Variants in SIPA1L1 observed in about 807,000 individuals in gnomAD.
SIPA1L1 encodes signal-induced proliferation-associated 1-like protein 1.
SIPA1L1 carries 26 observed loss-of-function variants against 162.7 expected under a neutral mutation model. The ratio of observed to expected loss-of-function variants is 0.16; its 90% CI spans 0.12 to 0.22. The LOEUF (loss-of-function observed/expected upper bound fraction) is 0.22, where lower values mean the gene tolerates loss of function less well. SIPA1L1 is among the 10% of genes least tolerant of loss of function. The pLI is 1.00. For synonymous variants in SIPA1L1, 829 were observed against 837.4 expected (o/e 0.99, Z 0.17); for missense variants, 1,874 against 2,241.0 (o/e 0.84, Z 3.31).
At chr14:71,432,422 G>A (rs893316095) in intron 2 of SIPA1L1, among the ~76,000 whole-genome samples, 10 of 152,052 alleles carry the variant, frequency 6.6e-5, no homozygotes, top group Non-Finnish European at 1.3e-4. Flanking sequence ...TCCTTCCCTC[G>A]GGGTCTGAGG....
chr14:71,626,562 AT>A (rs1167819721), intron 7 of SIPA1L1, among the ~76,000 whole-genome samples: 1 of 152,212 alleles, frequency 6.6e-6, no homozygotes, highest in Non-Finnish European at 1.5e-5. Flanking sequence ...ACAAATACAG[AT>A]TTTAAAAAGG....
At chr14:71,356,586 A>AAAAAAAAAAAAAAAAAAAAAAC (rs1323653711) in intron 2 of SIPA1L1, among the ~76,000 whole-genome samples, 1 of 147,294 alleles carries the variant, frequency 6.8e-6, no homozygotes, top group Non-Finnish European at 1.5e-5. Context: ...AAAAAAAAAA[A>AAAAAAAAAAAAAAAAAAAAAAC]AGCACACCTG....
chr14:71,379,154 T>C (rs1016817390), intron 2 of SIPA1L1, among the ~76,000 whole-genome samples: 1 of 152,222 alleles, frequency 6.6e-6, no homozygotes, highest in Non-Finnish European at 1.5e-5. Flanking sequence ...TATGTGTTGC[T>C]TTTCTATCTG....
chr14:71,365,907 T>TTG, intron 2 of SIPA1L1, among the ~76,000 whole-genome samples: 1 of 140,028 alleles, frequency 7.1e-6, no homozygotes, highest in Admixed American at 7.3e-5. Flanking sequence ...TTTTTTTTTT[T>TTG]AAGAGATGGG....
rs1318962242 is a variant in SIPA1L1 at position 71,607,571 on chromosome 14, C to A, written c.1499-11186C>A. On this transcript the variant is annotated intron_variant, in intron 5 of 23. Coordinates refer to ENST00000381232, the MANE Select transcript of SIPA1L1 (RefSeq NM_001386936.1). Reference sequence around the variant, plus strand: ...TCTTTCCTGGTTATCTGATGTGATTCCTAGGGAGGGAGTTTTAAGACAGTG... The same window carrying A: ...TCTTTCCTGGTTATCTGATGTGATTACTAGGGAGGGAGTTTTAAGACAGTG... 3.9e-5 allele frequency among the ~76,000 whole-genome samples: 6 copies of A among 152,008 alleles called. No individual in the cohort carries two copies. The South Asian group carries it at 1.2e-3, about 32-fold the overall frequency.
At chr14:71,351,312 A>G (rs1198289212) in intron 2 of SIPA1L1, among the ~76,000 whole-genome samples, 2 of 152,224 alleles carry the variant, frequency 1.3e-5, no homozygotes, top group East Asian at 1.9e-4. Flanking sequence ...TTTAAAAGAA[A>G]GCTGTTGAAA....
intron 7 of SIPA1L1, among the ~76,000 whole-genome samples, chr14:71,642,780 T>C (rs911016299): frequency 4.6e-5 from 7 of 152,146 alleles, no homozygotes; most frequent in African/African-American, 1.7e-4. Flanking sequence ...GTCTTTTTAA[T>C]GTTTAAGAAG....
chr14:71,530,897 T>C (rs917638687), intron 4 of SIPA1L1, among the ~76,000 whole-genome samples: 1 of 152,222 alleles, frequency 6.6e-6, no homozygotes, highest in Non-Finnish European at 1.5e-5. Context: ...TTAGAATAAA[T>C]TGAGGATCGC....
chr14:71,578,046 G>A (rs892521166), intron 4 of SIPA1L1, among the ~76,000 whole-genome samples: 10 of 152,004 alleles, frequency 6.6e-5, no homozygotes, highest in Admixed American at 6.6e-4. Flanking sequence ...AAGTACCTCG[G>A]ATTACAGGCA....
At chr14:71,654,063 A>G (rs1205358315) in intron 8 of SIPA1L1, among the ~76,000 whole-genome samples, 1 of 152,218 alleles carries the variant, frequency 6.6e-6, no homozygotes, top group Non-Finnish European at 1.5e-5. Context: ...TACTTCATGC[A>G]TTATCATCAT....
intron 2 of SIPA1L1, among the ~76,000 whole-genome samples, chr14:71,430,642 G>A (rs1168428383): frequency 6.6e-6 from 1 of 152,218 alleles, no homozygotes; most frequent in Non-Finnish European, 1.5e-5. Context: ...AACTGAGGCT[G>A]AGTGTCACAT....
intron 2 of SIPA1L1, among the ~76,000 whole-genome samples, chr14:71,400,077 C>T (rs996076555): frequency 1.3e-5 from 2 of 152,086 alleles, no homozygotes; most frequent in African/African-American, 4.8e-5. Flanking sequence ...TGCCTGCCTT[C>T]ACCTCCCAAA....
intron 3 of SIPA1L1, among the ~76,000 whole-genome samples, chr14:71,521,884 A>T (rs2052391357): frequency 6.6e-6 from 1 of 152,200 alleles, no homozygotes; most frequent in East Asian, 1.9e-4. Flanking sequence ...ATTTATCATG[A>T]CTAATGGGGT....
chr14:71,636,780 G>A (rs903786141), intron 7 of SIPA1L1, among the ~76,000 whole-genome samples: 5 of 152,132 alleles, frequency 3.3e-5, no homozygotes, highest in Admixed American at 2.6e-4. Context: ...GGTGGCTCAC[G>A]CCTATAATCC....
chr14:71,679,862 C>T (rs1228590241), intron 12 of SIPA1L1, among the ~76,000 whole-genome samples: 1 of 152,160 alleles, frequency 6.6e-6, no homozygotes, highest in Non-Finnish European at 1.5e-5. Flanking sequence ...GTAAAGGGAT[C>T]AATTTAACAA....
intron 2 of SIPA1L1, among the ~76,000 whole-genome samples, chr14:71,364,656 T>C (rs752154670): frequency 6.6e-6 from 1 of 152,180 alleles, no homozygotes; most frequent in Non-Finnish European, 1.5e-5. Flanking sequence ...ATTAACATAA[T>C]TATGACCTTG....
intron 17 of SIPA1L1, among the ~76,000 whole-genome samples, chr14:71,715,943 G>A (rs996349603): frequency 5.9e-5 from 9 of 152,192 alleles, no homozygotes; most frequent in African/African-American, 1.2e-4. Flanking sequence ...ATAGCTTAGC[G>A]TTACAGGCTT....
intron 2 of SIPA1L1, among the ~76,000 whole-genome samples, chr14:71,479,102 G>T (rs984318035): frequency 6.6e-6 from 1 of 152,092 alleles, no homozygotes; most frequent in African/African-American, 2.4e-5. Context: ...TTGAGTCCAG[G>T]CTGGTGATTT....
At chr14:71,599,051 A>G (rs1215062710) in intron 5 of SIPA1L1, among the ~76,000 whole-genome samples, 1 of 151,958 alleles carries the variant, frequency 6.6e-6, no homozygotes, top group African/African-American at 2.4e-5. Flanking sequence ...GCCTGAAAAC[A>G]TGCAATATTT....
Sources: gnomAD v4.1 joint callset for allele counts (sites outside exome capture counted in the v4.1 genomes callset) on GRCh38, gnomAD v4.1.1 for gene constraint, MANE v1.5 for transcripts, NCBI Gene and HGNC (gene_info 2026-07-23, HGNC 2026-07-21) for gene names.